MEFV: variants seen among roughly 807,000 people sequenced by gnomAD.
MEFV encodes MEFV innate immunity regulator, pyrin.
Under a neutral mutation model 62.5 loss-of-function variants are expected in MEFV, and 60 were observed. That is an observed-to-expected ratio of 0.96 (90% CI 0.78 to 1.19). The LOEUF (loss-of-function observed/expected upper bound fraction) is 1.19. MEFV is among the 50% of genes most tolerant of loss of function. MEFV has a pLI of 0.00. For synonymous variants in MEFV, 500 were observed against 415.2 expected (o/e 1.20, Z -2.48); for missense variants, 1,169 against 1,004.5 (o/e 1.16, Z -2.21).
At chr16:3,244,387 G>C (rs1958908424) in intron 7 of MEFV, 86 bp downstream of exon 7, 3 of 1,599,058 alleles carry the variant, frequency 1.9e-6, no homozygotes, top group Admixed American at 3.3e-5. Flanking sequence ...ACCAGGGGAA[G>C]AGGAGGGAAG....
In MEFV at chr16:3,249,706, G is replaced by A. The variant is rs757216434; in HGVS notation, c.985C>T (p.Arg329Cys). ...EGDPVDGTCVRDSCSFPEAVS... is the reference protein window; with the variant it reads ...EGDPVDGTCVCDSCSFPEAVS... ...GCCTCGGGGAAGCTGCAGGAATCAC[G>A]CACACAGGTACCGTCAACTGGGTCT... The change falls in exon 3 of 10, where the codon CGT (arginine) becomes TGT (cysteine). Residue 329 changes from arginine (R) to cysteine (C), a missense_variant. Physicochemically the swap from Arg to Cys is radical, Grantham distance 180. Transcript: ENST00000219596. The A allele has an allele frequency of 9.9e-6, 16 of 1,613,734 alleles. No homozygotes were observed. The highest frequency in any genetic ancestry group is 4.0e-5 in the African/African-American group (3 of 74,932).
At chr16:3,254,085 G>T (rs571107697) in intron 2 of MEFV, 73 bp downstream of exon 2, 1 of 1,537,490 alleles carries the variant, frequency 6.5e-7, no homozygotes. Flanking sequence ...TGGGATTACA[G>T]GCATGAGCTA....
intron 2 of MEFV, among the ~76,000 whole-genome samples, chr16:3,250,051 T>G (rs1959010545): frequency 6.6e-6 from 1 of 152,242 alleles, no homozygotes; most frequent in South Asian, 2.1e-4. Flanking sequence ...GGCCTTGTGC[T>G]GTTCCTCCTG....
chr16:3,255,985 G>T (rs1959110185), intron 1 of MEFV, among the ~76,000 whole-genome samples: 1 of 151,774 alleles, frequency 6.6e-6, no homozygotes, highest in South Asian at 2.1e-4. Flanking sequence ...ATCCCTTTTT[G>T]CTAACCTAGA....
chr16:3,253,817 C>T (rs55679833), intron 2 of MEFV, among the ~76,000 whole-genome samples: 1 of 152,088 alleles, frequency 6.6e-6, no homozygotes, highest in African/African-American at 2.4e-5. Flanking sequence ...CAGGCGCGTG[C>T]CACTATTGTA....
intron 3 of MEFV, among the ~76,000 whole-genome samples, 164 bp from the exon 4 acceptor site, chr16:3,249,168 T>C (rs187509783): frequency 2.0e-5 from 3 of 152,312 alleles, no homozygotes; most frequent in Admixed American, 1.3e-4. Context: ...AATGGCTGAA[T>C]TGCCAAAGGC....
At chr16:3,250,686 C>G (rs1324182899) in intron 2 of MEFV, among the ~76,000 whole-genome samples, 1 of 151,506 alleles carries the variant, frequency 6.6e-6, no homozygotes, top group Non-Finnish European at 1.5e-5. Flanking sequence ...CTCCAAGACT[C>G]TAATTGCAAC....
At chr16:3,247,391 G>A (rs999681713) in intron 4 of MEFV, 145 bp from the exon 5 acceptor site, 10 of 661,478 alleles carry the variant, frequency 1.5e-5, no homozygotes, top group Non-Finnish European at 2.6e-5. Flanking sequence ...AGAGCAGGAG[G>A]CGATATTGTC....
chr16:3,252,832 C>G (rs1351587642), intron 2 of MEFV, among the ~76,000 whole-genome samples: 1 of 149,880 alleles, frequency 6.7e-6, no homozygotes, highest in Non-Finnish European at 1.5e-5. Flanking sequence ...CACCTATAGT[C>G]TCAGCTACTT....
At position 3,252,390 on chromosome 16, in the gene MEFV, C is replaced by T. The variant is rs1273077672; in HGVS notation, c.910+1768G>A. On this transcript the variant is annotated intron_variant, in intron 2 of 9. Coordinates refer to ENST00000219596, the MANE Select transcript of MEFV (RefSeq NM_000243.3). ...CTCGGTTCAAGCAATTCTCCTGCCT[C>T]GAAGCCTTCTGAGTAGCTGGGATTA... is the stretch of plus-strand genomic sequence containing the variant. Among the ~76,000 whole-genome samples, 4 of 151,564 alleles carry T rather than the reference C, an allele frequency of 2.6e-5. No individual in the cohort carries two copies. The East Asian group carries it at 5.8e-4, about 22-fold the overall frequency.
In MEFV at chr16:3,248,164, C is replaced by T. The variant is rs1596353637; in HGVS notation, c.1356+745G>A. 2.6e-5 allele frequency among the ~76,000 whole-genome samples: 4 copies of T among 152,110 alleles called. No homozygotes were observed. In the South Asian group the frequency reaches 6.2e-4, roughly 24 times the overall value. ...ATTCCAGCCACTAAGGAGGCTGAGG[C>T]AGGAGAATTGCTTGAACCTCGGAGG... On this transcript the variant is annotated intron_variant, in intron 4 of 9. Transcript: ENST00000219596.
Position 3,244,283 on chromosome 16 carries a change from G to T in MEFV, c.1730C>A (p.Thr577Asn), listed in dbSNP as rs1057516210. ...VEKSTKYFSE[T>N]LRSEMEMFNV... ...GAACATTTCCATTTCTGAACGCAGGGTTTCTAAAATGTGGGAAAGGGAGCA... is the reference window on the plus strand; with the variant it reads ...GAACATTTCCATTTCTGAACGCAGGTTTTCTAAAATGTGGGAAAGGGAGCA... Residue 577 changes from threonine (T) to asparagine (N), a missense_variant, in exon 8 of 10, where the codon ACC becomes AAC. Thr to Asn is a moderately conservative substitution (Grantham distance 65). Transcript: ENST00000219596. 1 of 1,614,112 alleles carries T rather than the reference G, an allele frequency of 6.2e-7. No homozygotes were observed. The highest frequency in any genetic ancestry group is 8.5e-7 in the Non-Finnish European group (1 of 1,180,022).
chr16:3,243,061 C>G lies in MEFV; in HGVS notation c.*80G>C, dbSNP rs996062024. 2.7e-6 allele frequency: 4 copies of G among 1,497,224 alleles called. No individual in the cohort carries two copies. The African/African-American group carries it at 4.1e-5, about 15-fold the overall frequency. The allele number at this position is 1,497,224 out of a possible 1,614,324, so 92.7% of individuals were successfully genotyped here. On this transcript the variant is annotated 3_prime_UTR_variant, in exon 10 of 10. Transcript: ENST00000219596. The stretch of plus-strand genomic sequence containing the variant: ...TTGCATTTCCCATAGCAGCTAGCAC[C>G]TAGTCGGCATTCCGTGACTATTGAG...
Position 3,243,570 on chromosome 16 carries a change from A to G in MEFV, c.1917T>C (p.Cys639=). ...LPDGPQRFDS[C]IIVLGSPSFL... ...AACTCGGAGAGCCCAGAACAATGAT[A>G]CAGCTGTCAAATCTTTGCGGGCCAT... Residue 639 remains cysteine (C), a synonymous_variant, in exon 10 of 10, where the codon TGT becomes TGC. Coordinates refer to ENST00000219596, the MANE Select transcript of MEFV (RefSeq NM_000243.3). 2 of 1,609,754 alleles carry G rather than the reference A, an allele frequency of 1.2e-6. No homozygotes were observed. Among genetic ancestry groups the G allele is most frequent in the Non-Finnish European group, 1.7e-6 (2 of 1,177,424 alleles).
chr16:3,247,626 G>A, intron 4 of MEFV: 1 of 237,712 alleles, frequency 4.2e-6, no homozygotes, highest in South Asian at 6.1e-5. Flanking sequence ...CAATATAAAT[G>A]TTGTCTTATA....
chr16:3,246,220 A>G (rs1427663587), intron 6 of MEFV, among the ~76,000 whole-genome samples: 1 of 152,078 alleles, frequency 6.6e-6, no homozygotes, highest in Non-Finnish European at 1.5e-5. Flanking sequence ...CTTTCATCAG[A>G]TGAACTGCAC....
At chr16:3,251,224 C>T (rs569103582) in intron 2 of MEFV, among the ~76,000 whole-genome samples, 1 of 152,024 alleles carries the variant, frequency 6.6e-6, no homozygotes, top group Non-Finnish European at 1.5e-5. Context: ...CCTCCCATTG[C>T]CCCCCAAATG....
chr16:3,242,165 C>A lies in MEFV; in HGVS notation c.*976G>T. ...ATCACCTGAGGTCAGGAGTTTGAGA[C>A]CGGCCTGGCCAACATGATGAAACCT... On this transcript the variant is annotated 3_prime_UTR_variant, in exon 10 of 10. Transcript: ENST00000219596. 1 of 230,738 alleles carries A rather than the reference C, an allele frequency of 4.3e-6. No individual in the cohort carries two copies. The highest frequency in any genetic ancestry group is 9.3e-6 in the Non-Finnish European group (1 of 107,394). The allele number at this position is 230,738 out of a possible 1,614,324, so 14.3% of individuals were successfully genotyped here.
rs192285109 is a variant in MEFV, at chr16:3,251,401, G to A, written c.911-1621C>T. Among the ~76,000 whole-genome samples the A allele has an allele frequency of 4.6e-5, 7 of 152,280 alleles. No individual in the cohort carries two copies. The East Asian group carries it at 9.6e-4, about 21-fold the overall frequency. On this transcript the variant is annotated intron_variant, in intron 2 of 9. Transcript: ENST00000219596. ...CCATCTTGCTGCCTGGCATGAGGACGTCACCTTCTGAGAGCAGAAGCTTGA... is the reference window on the plus strand; with the variant it reads ...CCATCTTGCTGCCTGGCATGAGGACATCACCTTCTGAGAGCAGAAGCTTGA...
Sources: gnomAD v4.1 joint callset for allele counts (sites outside exome capture counted in the v4.1 genomes callset) on GRCh38, gnomAD v4.1.1 for gene constraint, MANE v1.5 for transcripts, NCBI Gene and HGNC (gene_info 2026-07-23, HGNC 2026-07-21) for gene names.